Variants in THSD7B observed in about 807,000 individuals in gnomAD.
The protein encoded by THSD7B is thrombospondin type 1 domain containing 7B.
THSD7B carries 138 observed loss-of-function variants against 213.6 expected under a neutral mutation model. The ratio of observed to expected loss-of-function variants is 0.65; its 90% confidence interval spans 0.56 to 0.74. The LOEUF is 0.74. Among genes scored for constraint, THSD7B ranks in the 30% least tolerant of loss-of-function variants. The pLI, the probability that THSD7B is intolerant of heterozygous loss-of-function variation, is 0.00. For synonymous variants in THSD7B, 742 were observed against 687.0 expected, an observed-to-expected ratio of 1.08 and a Z score of -1.25; for missense variants, 1,931 against 1,991.5, an observed-to-expected ratio of 0.97 and a Z score of 0.58.
At chr2:136,966,223 ATTT>A (rs5834526) in intron 2 of THSD7B, among the ~76,000 whole-genome samples, 26 of 149,710 alleles carry the variant, frequency 1.7e-4, no homozygotes, top group African/African-American at 4.7e-4. Context: ...CTTCCTAAAC[ATTT>A]TTTTTTTTTG....
intron 10 of THSD7B, among the ~76,000 whole-genome samples, chr2:137,243,051 A>G (rs1204135261): frequency 6.6e-6 from 1 of 152,206 alleles, no homozygotes; most frequent in Non-Finnish European, 1.5e-5. Context: ...GAAATTGGCA[A>G]TATATGATTT....
chr2:137,525,664 C>G (rs917366445), intron 15 of THSD7B, among the ~76,000 whole-genome samples: 1 of 152,084 alleles, frequency 6.6e-6, no homozygotes, highest in Non-Finnish European at 1.5e-5. Context: ...TCATTAATAA[C>G]AGTATTTCAT....
Position 137,115,286 on chromosome 2 carries a change from C to CAAGG in THSD7B, c.1367_1369+1dup. 6.4e-7 allele frequency: 1 copy of CAAGG among 1,559,358 alleles called. No homozygotes were observed. Among genetic ancestry groups the CAAGG allele is most frequent in the Non-Finnish European group, 8.7e-7 (1 of 1,155,140 alleles). On this transcript the variant is annotated frameshift_variant, in exon 5 of 28. Coordinates refer to ENST00000409968, the MANE Select transcript of THSD7B (RefSeq NM_001316349.2). LOFTEE classifies it high-confidence loss of function. ...TACCAGCAGCTGCCGCACTGAGGGCCAAGGAAGGTAGGCAGCCAGTTCCGG... is the reference window on the plus strand; with the variant it reads ...TACCAGCAGCTGCCGCACTGAGGGCCAAGGAAGGAAGGTAGGCAGCCAGTTCCGG...
intron 1 of THSD7B, among the ~76,000 whole-genome samples, chr2:136,813,046 C>T (rs1180721396): frequency 6.6e-6 from 1 of 152,116 alleles, no homozygotes; most frequent in African/African-American, 2.4e-5. Flanking sequence ...TCAATTGATT[C>T]AGAGGATAAA....
Position 136,992,074 on chromosome 2 carries a change from C to A in THSD7B, c.140-64346C>A, listed in dbSNP as rs148415289. On this transcript the variant is annotated intron_variant, in intron 2 of 27. Coordinates refer to ENST00000409968, the MANE Select transcript of THSD7B (RefSeq NM_001316349.2). ...AATTTTATCCTCATTGTCTCTCTTG[C>A]CCAACACACCAATATATAATTTTAT... is the stretch of plus-strand genomic sequence containing the variant. 6.1e-3 allele frequency among the ~76,000 whole-genome samples: 935 copies of A among 152,266 alleles called. 9 individuals carry two copies. Among genetic ancestry groups the A allele is most frequent in the African/African-American group, 0.021 (865 of 41,548 alleles).
intron 13 of THSD7B, 80 bp from the exon 14 acceptor site, chr2:137,411,529 T>G: frequency 7.6e-7 from 1 of 1,323,000 alleles, no homozygotes; most frequent in South Asian, 1.5e-5. Flanking sequence ...TTCTAAAAGA[T>G]TACAAATACA....
chr2:136,941,337 G>A (rs1218441625), intron 2 of THSD7B, among the ~76,000 whole-genome samples: 1 of 152,154 alleles, frequency 6.6e-6, no homozygotes, highest in Non-Finnish European at 1.5e-5. Flanking sequence ...TGTCTTTATA[G>A]TAGCATGATT....
intron 12 of THSD7B, among the ~76,000 whole-genome samples, chr2:137,281,382 G>A (rs930047695): frequency 1.3e-5 from 2 of 151,684 alleles, no homozygotes; most frequent in African/African-American, 4.8e-5. Flanking sequence ...TTTACTGGAT[G>A]ATAATGTGAC....
rs554726441 is a variant in THSD7B at position 137,206,851 on chromosome 2, G to A, written c.1724-24193G>A. 5.9e-5 allele frequency among the ~76,000 whole-genome samples: 9 copies of A among 152,186 alleles called. No homozygotes were observed. The East Asian group carries it at 1.7e-3, about 29-fold the overall frequency. ...GCAGAATAATAGATTTGTTTTCATG[G>A]TTGGAGCTGTGAATACAAATTAATA... is the stretch of plus-strand genomic sequence containing the variant. On this transcript the variant is annotated intron_variant, in intron 7 of 27. Transcript: ENST00000409968.
intron 12 of THSD7B, among the ~76,000 whole-genome samples, chr2:137,288,682 T>A (rs1054776789): frequency 3.9e-5 from 6 of 151,996 alleles, no homozygotes; most frequent in Non-Finnish European, 8.8e-5. Context: ...AATAGGATAA[T>A]ATTGACATTA....
intron 10 of THSD7B, among the ~76,000 whole-genome samples, chr2:137,243,477 G>A (rs527759335): frequency 6.6e-6 from 1 of 152,310 alleles, no homozygotes; most frequent in East Asian, 1.9e-4. Flanking sequence ...TGGCAGCCAT[G>A]TCCTCTCAAG....
chr2:137,587,432 C>A (rs577673643), intron 17 of THSD7B, among the ~76,000 whole-genome samples: 2 of 152,126 alleles, frequency 1.3e-5, no homozygotes, highest in African/African-American at 4.8e-5. Context: ...GAATTTTCAG[C>A]TTTTCTGCTC....
At chr2:137,161,652 A>G (rs899106570) in intron 6 of THSD7B, among the ~76,000 whole-genome samples, 1 of 152,154 alleles carries the variant, frequency 6.6e-6, no homozygotes, top group African/African-American at 2.4e-5. Flanking sequence ...AGAAATCTGG[A>G]TGTCAAAGAA....
intron 2 of THSD7B, among the ~76,000 whole-genome samples, chr2:136,932,202 G>C (rs939375644): frequency 6.6e-6 from 1 of 152,030 alleles, no homozygotes; most frequent in African/African-American, 2.4e-5. Flanking sequence ...GCTCATTGTA[G>C]AAATCAAAGA....
chr2:137,097,847 G>A (rs1377449346), intron 4 of THSD7B, among the ~76,000 whole-genome samples: 1 of 151,450 alleles, frequency 6.6e-6, no homozygotes, highest in African/African-American at 2.4e-5. Context: ...AGGAGTATTG[G>A]AGAATTAACT....
At chr2:136,779,186 CTATA>C (rs58403336) in intron 1 of THSD7B, among the ~76,000 whole-genome samples, 45 of 141,916 alleles carry the variant, frequency 3.2e-4, no homozygotes, top group African/African-American at 4.9e-4. Context: ...TGTTAAAAGG[CTATA>C]TATATATATG....
chr2:137,648,152 T>C (rs1019044581), intron 21 of THSD7B, among the ~76,000 whole-genome samples: 2 of 152,220 alleles, frequency 1.3e-5, no homozygotes, highest in Non-Finnish European at 2.9e-5. Flanking sequence ...TAACTTAGTA[T>C]ATTCATATAA....
At chr2:136,953,315 A>G (rs1685071361) in intron 2 of THSD7B, among the ~76,000 whole-genome samples, 1 of 152,172 alleles carries the variant, frequency 6.6e-6, no homozygotes, top group South Asian at 2.1e-4. Context: ...TCCTTCAAAG[A>G]CACTGCTGCT....
rs369821530 is a variant in THSD7B at position 137,275,986 on chromosome 2, G to T, written c.2460G>T (p.Thr820=). 8.7e-6 allele frequency: 14 copies of T among 1,612,034 alleles called. No homozygotes were observed. Among genetic ancestry groups the T allele is most frequent in the African/African-American group, 4.0e-5 (3 of 74,798 alleles). ...CAGAGTCTGTCTGGCAGGGAATAAC[G>T]GGCAGCAGTGAAGCCTGTGGAAAGG... The part of the protein sequence containing the change: ...LVPESVWQGI[T]GSSEACGKGL... Residue 820 remains threonine, a synonymous_variant, in exon 12 of 28, where the codon ACG becomes ACT. Coordinates refer to ENST00000409968, the MANE Select transcript of THSD7B (RefSeq NM_001316349.2).
Sources: allele counts gnomAD v4.1 joint callset (sites outside exome capture counted in the v4.1 genomes callset), GRCh38; gene constraint gnomAD v4.1.1; transcripts MANE v1.5; gene names NCBI Gene and HGNC (gene_info 2026-07-23, HGNC 2026-07-21).